Variants in CYP4F3 observed in about 807,000 individuals in gnomAD.
CYP4F3 encodes cytochrome P450 family 4 subfamily F member 3, also known as cytochrome P450 4F3.
CYP4F3 carries 50 observed loss-of-function variants against 54.8 expected under a neutral mutation model. The observed-to-expected ratio is 0.91, with a 90% CI of 0.73 to 1.16. CYP4F3 has a LOEUF of 1.16. Ranked by LOEUF, CYP4F3 falls within the 50% of genes most tolerant of loss-of-function variation. The pLI is 0.00. For missense variants in CYP4F3, 715 were observed against 676.2 expected, an observed-to-expected ratio of 1.06 and a Z score of -0.64; for synonymous variants, 244 against 262.6, an observed-to-expected ratio of 0.93 and a Z score of 0.69.
chr19:15,647,853 G>A (rs1972676537), intron 5 of CYP4F3, among the ~76,000 whole-genome samples: 1 of 152,116 alleles, frequency 6.6e-6, no homozygotes, highest in African/African-American at 2.4e-5. Flanking sequence ...ACCCCTGGAT[G>A]TTCCTCCATC....
At chr19:15,645,633 G>A (rs1297922426) in intron 2 of CYP4F3, 86 bp from the exon 3 acceptor site, 2 of 1,488,760 alleles carry the variant, frequency 1.3e-6, no homozygotes, top group Admixed American at 2.1e-5. Flanking sequence ...AAATTCTCAG[G>A]GAGAGGGCTT....
intron 2 of CYP4F3, chr19:15,643,827 T>A (rs545269118): frequency 3.6e-6 from 5 of 1,382,222 alleles, no homozygotes; most frequent in Non-Finnish European, 3.8e-6. Context: ...TGATCAACTA[T>A]CTGGGCATCC....
intron 9 of CYP4F3, among the ~76,000 whole-genome samples, chr19:15,657,164 G>C (rs901299352): frequency 6.6e-6 from 1 of 152,098 alleles, no homozygotes; most frequent in Non-Finnish European, 1.5e-5. Flanking sequence ...TATTTGGCTT[G>C]TCTCCAAACT....
rs529567399 is a variant in CYP4F3, at chr19:15,647,918, G to C, written c.525+594G>C. Reference sequence around the variant, plus strand: ...GGTTTACAATACAGATAGGGTTCCAGGGAATAAGATGAGGCTTAGCTTCAT... The same window carrying C: ...GGTTTACAATACAGATAGGGTTCCACGGAATAAGATGAGGCTTAGCTTCAT... On this transcript the variant is annotated intron_variant, in intron 5 of 12. Coordinates refer to ENST00000221307, the MANE Select transcript of CYP4F3 (RefSeq NM_000896.3). Among the ~76,000 whole-genome samples, 3 of 152,280 alleles carry C rather than the reference G, an allele frequency of 2.0e-5. No homozygotes were observed. The East Asian group carries it at 5.8e-4, about 29-fold the overall frequency.
rs184559816 is a variant in CYP4F3 at position 15,662,507 on chromosome 19, T to C, written c.*3122T>C. ...TCCTTCAACTACATTTTTTCCCCAA[T>C]AATTTTTGGCTATTCTGCTTCCTTT... On this transcript the variant is annotated 3_prime_UTR_variant, in exon 13 of 13. Coordinates refer to ENST00000221307, the MANE Select transcript of CYP4F3 (RefSeq NM_000896.3). 1 of 151,856 alleles carries C rather than the reference T, an allele frequency of 6.6e-6. No individual in the cohort carries two copies. Among genetic ancestry groups the C allele is most frequent in the Non-Finnish European group, 1.5e-5 (1 of 67,992 alleles). 9.4% of individuals were successfully genotyped at this position (151,856 alleles called of 1,614,324 possible).
rs749205010 is a variant in CYP4F3, at chr19:15,658,413, G to C, written c.1249+16G>C. The C allele has an allele frequency of 1.2e-6, 2 of 1,613,736 alleles. No homozygotes were observed. Among genetic ancestry groups the C allele is most frequent in the Non-Finnish European group, 1.7e-6 (2 of 1,179,770 alleles). The stretch of plus-strand genomic sequence containing the variant: ...ATCCCCAAAGGTGCCACAGCCTCAG[G>C]GGGAGGAGCCTCCTGGGTAGGAAGA... On this transcript the variant is annotated intron_variant, in intron 10 of 12. Transcript: ENST00000221307.
Position 15,643,335 on chromosome 19 carries a change from C to CAGAT in CYP4F3, c.198+1728_198+1731dup, listed in dbSNP as rs796974733. Among the ~76,000 whole-genome samples, 262 of 130,610 alleles carry CAGAT rather than the reference C, an allele frequency of 2.0e-3. 1 individual carries two copies. The highest frequency in any genetic ancestry group is 6.3e-3 in the African/African-American group (202 of 32,036). The allele number at this position is 130,610 out of a possible 152,430, so 85.7% of individuals were successfully genotyped here. A position where few individuals can be genotyped will look rare whatever the true frequency, so the allele number is the denominator to read the frequency against. ...TAGATTAGATAGATAGATAGATAGA[C>CAGAT]AGATAGATACATACATACATACATA... On this transcript the variant is annotated intron_variant, in intron 2 of 12. Transcript: ENST00000221307.
In CYP4F3 at chr19:15,651,398, C is replaced by T. The variant is rs1430975043; in HGVS notation, c.919-1171C>T. Among the ~76,000 whole-genome samples the T allele has an allele frequency of 9.8e-5, 13 of 132,204 alleles. 2 individuals are homozygous for T. The East Asian group carries it at 1.7e-3, about 18-fold the overall frequency. 86.7% of individuals were successfully genotyped at this position (132,204 alleles called of 152,430 possible). On this transcript the variant is annotated intron_variant, in intron 7 of 12. Transcript: ENST00000221307. ...TTTTTTTTTTTTTGAGATGGAGTCT[C>T]GCTGTGTCACCCAGGCTGGAGTGCA... is the stretch of plus-strand genomic sequence containing the variant.
At chr19:15,653,065 G>T in intron 9 of CYP4F3, 113 bp downstream of exon 9, 1 of 1,434,948 alleles carries the variant, frequency 7.0e-7, no homozygotes, top group East Asian at 2.6e-5. Context: ...TGCTTAGTGG[G>T]AATAGGAGCA....
chr19:15,643,047 A>G (rs1396725685), intron 2 of CYP4F3, among the ~76,000 whole-genome samples: 1 of 150,780 alleles, frequency 6.6e-6, no homozygotes, highest in Non-Finnish European at 1.5e-5. Context: ...ATAATAGGAT[A>G]AATGGATGAG....
intron 9 of CYP4F3, among the ~76,000 whole-genome samples, chr19:15,656,107 T>C (rs906532301): frequency 1.3e-5 from 2 of 150,626 alleles, no homozygotes; most frequent in African/African-American, 4.9e-5. Flanking sequence ...GTAACCACCA[T>C]TCTATTCCTA....
At chr19:15,655,063 T>C (rs1010229469) in intron 9 of CYP4F3, among the ~76,000 whole-genome samples, 9 of 152,218 alleles carry the variant, frequency 5.9e-5, no homozygotes, top group Non-Finnish European at 1.3e-4. Context: ...ATAAAAGCCA[T>C]TTTAACTGGG....
Position 15,658,724 on chromosome 19 carries a change from C to G in CYP4F3, c.1315-3C>G. On this transcript the variant is annotated splice_polypyrimidine_tract_variant and splice_region_variant and intron_variant, in intron 11 of 12. Coordinates refer to ENST00000221307, the MANE Select transcript of CYP4F3 (RefSeq NM_000896.3). ...CGGCAACCCTTCTTGGTCTCGCCTC[C>G]AGGTCTATGACCCCTTTCGCTTTGA... 1.2e-6 allele frequency: 2 copies of G among 1,614,054 alleles called. No individual in the cohort carries two copies. Among genetic ancestry groups the G allele is most frequent in the Non-Finnish European group, 1.7e-6 (2 of 1,179,984 alleles).
rs1476876386 is a variant in CYP4F3, at chr19:15,646,629, T to C, written c.344-423T>C. On this transcript the variant is annotated intron_variant, in intron 3 of 12. Transcript: ENST00000221307. ...GGCCATGTCAGGACTTGTGAACACA[T>C]GTCAGTGTCATGTCTCATGTCTAGG... Among the ~76,000 whole-genome samples, 4 of 152,314 alleles carry C rather than the reference T, an allele frequency of 2.6e-5. No homozygotes were observed. In the East Asian group the frequency reaches 7.7e-4, roughly 29 times the overall value.
At chr19:15,654,960 A>T (rs901956912) in intron 9 of CYP4F3, among the ~76,000 whole-genome samples, 1 of 152,166 alleles carries the variant, frequency 6.6e-6, no homozygotes, top group Non-Finnish European at 1.5e-5. Context: ...TGTTCTCTGC[A>T]GTGGCTGCAC....
At chr19:15,642,858 T>A (rs1218770499) in intron 2 of CYP4F3, among the ~76,000 whole-genome samples, 3 of 150,714 alleles carry the variant, frequency 2.0e-5, no homozygotes, top group Non-Finnish European at 4.4e-5. Context: ...GATAGATGGA[T>A]GGATGGACAG....
Position 15,659,033 on chromosome 19 carries a change from G to T in CYP4F3, c.1398-187G>T, listed in dbSNP as rs1420560515. Among the ~76,000 whole-genome samples, 5 of 46,420 alleles carry T rather than the reference G, an allele frequency of 1.1e-4. No homozygotes were observed. In the East Asian group the frequency reaches 7.7e-3, roughly 72 times the overall value. 30.5% of individuals were successfully genotyped at this position (46,420 alleles called of 152,430 possible). A position where few individuals can be genotyped will look rare whatever the true frequency, so the allele number is the denominator to read the frequency against. Reference sequence around the variant, plus strand: ...CTCCTACCCCACCTTGGTCTAGGCTGGGGGGTTGGAGCTCGGCTAGGCTCG... The same window carrying T: ...CTCCTACCCCACCTTGGTCTAGGCTTGGGGGTTGGAGCTCGGCTAGGCTCG... On this transcript the variant is annotated intron_variant, in intron 12 of 12. Coordinates refer to ENST00000221307, the MANE Select transcript of CYP4F3 (RefSeq NM_000896.3).
intron 2 of CYP4F3, 116 bp from the exon 3 acceptor site, chr19:15,645,602 AG>A: frequency 7.3e-7 from 1 of 1,367,518 alleles, no homozygotes; most frequent in South Asian, 1.4e-5. Flanking sequence ...CAGCACTGAG[AG>A]GGAGATGAGA....
chr19:15,641,626 G>T lies in CYP4F3; in HGVS notation c.198+13G>T. ...TCACCTGGGCCTGGTGAGTGTGGCA[G>T]CAGGACGGGTCTGGGGTCTCAGGGT... On this transcript the variant is annotated intron_variant, in intron 2 of 12. Transcript: ENST00000221307. 6.2e-7 allele frequency: 1 copy of T among 1,613,316 alleles called. No individual in the cohort carries two copies. The highest frequency in any genetic ancestry group is 1.1e-5 in the South Asian group (1 of 91,052).
Sources: gnomAD v4.1 joint callset for allele counts (sites outside exome capture counted in the v4.1 genomes callset) on GRCh38, gnomAD v4.1.1 for gene constraint, MANE v1.5 for transcripts, NCBI Gene and HGNC (gene_info 2026-07-23, HGNC 2026-07-21) for gene names.